The following NUP155 variants were observed in gnomAD, a reference collection of about 807,000 sequenced individuals.
NUP155 encodes nucleoporin 155, also known as nuclear pore complex protein Nup155.
In NUP155, 71 loss-of-function variants were observed where a neutral mutation model predicts 180.4. The observed-to-expected ratio is 0.39, with a 90% CI of 0.33 to 0.48. The LOEUF (loss-of-function observed/expected upper bound fraction) is 0.48, where lower values mean the gene tolerates loss of function less well. NUP155 is among the 20% of genes least tolerant of loss of function. NUP155 has a pLI of 0.91. For missense variants in NUP155, 1,553 were observed against 1,648.9 expected (o/e 0.94, Z 1.01); for synonymous variants, 582 against 559.5 (o/e 1.04, Z -0.57).
rs1048382027 is a variant in NUP155 at position 37,291,262 on chromosome 5, G to A, written c.*638C>T. The stretch of plus-strand genomic sequence containing the variant: ...TATTTGAGGTTTTTTTGTTTTTTGA[G>A]ACAGAGTCTCGCCCTGTTGCCTGGG... On this transcript the variant is annotated 3_prime_UTR_variant, in exon 35 of 35. Transcript: ENST00000231498. 1.3e-5 allele frequency: 2 copies of A among 152,338 alleles called. No homozygotes were observed. Among genetic ancestry groups the A allele is most frequent in the Non-Finnish European group, 2.9e-5 (2 of 68,168 alleles). 9.4% of individuals were successfully genotyped at this position (152,338 alleles called of 1,614,324 possible). A position where few individuals can be genotyped will look rare whatever the true frequency, so the allele number is the denominator to read the frequency against.
intron 24 of NUP155, 29 bp downstream of exon 24, chr5:37,309,100 A>G (rs202043598): frequency 1.2e-6 from 2 of 1,609,600 alleles, no homozygotes; most frequent in East Asian, 2.2e-5. Flanking sequence ...GAGTTGAGTA[A>G]AAGATACAAG....
At chr5:37,343,268 G>A (rs1395034528) in intron 9 of NUP155, among the ~76,000 whole-genome samples, 1 of 151,894 alleles carries the variant, frequency 6.6e-6, no homozygotes, top group Non-Finnish European at 1.5e-5. Context: ...TAGAGACGGG[G>A]TTTCACTATG....
rs148758657 is a variant in NUP155, at chr5:37,333,958, C to T, written c.1348-325G>A. On this transcript the variant is annotated intron_variant, in intron 12 of 34. Transcript: ENST00000231498. ...CTGGGATTACAGCCATATGTCACCA[C>T]GCCCAGCTAATTTTTTATTTTTAGT... Among the ~76,000 whole-genome samples the T allele has an allele frequency of 6.8e-3, 1,027 of 151,780 alleles. 8 individuals carry two copies. The highest frequency in any genetic ancestry group is 0.028 in the South Asian group (133 of 4,806).
Position 37,371,090 on chromosome 5 carries a change from C to T in NUP155, c.-113G>A. On this transcript the variant is annotated 5_prime_UTR_variant, in exon 1 of 35. Coordinates refer to ENST00000231498, the MANE Select transcript of NUP155 (RefSeq NM_153485.3). Reference sequence around the variant, plus strand: ...GCCTAGGGCGCGCGCGCCAAACGAGCGCCTTGGCGCCTCGACATGACGCAC... The same window carrying T: ...GCCTAGGGCGCGCGCGCCAAACGAGTGCCTTGGCGCCTCGACATGACGCAC... 5.8e-6 allele frequency: 6 copies of T among 1,030,650 alleles called. No individual in the cohort carries two copies. Among genetic ancestry groups the T allele is most frequent in the African/African-American group, 3.2e-5 (2 of 62,644 alleles). The allele number at this position is 1,030,650 out of a possible 1,614,324, so 63.8% of individuals were successfully genotyped here.
At chr5:37,350,817 T>C (rs1746404859) in intron 6 of NUP155, among the ~76,000 whole-genome samples, 1 of 127,468 alleles carries the variant, frequency 7.8e-6, no homozygotes, top group Non-Finnish European at 1.6e-5. Context: ...CTCCATCACA[T>C]TTAAAAAAAA....
chr5:37,354,799 A>T (rs1285153786), intron 4 of NUP155, among the ~76,000 whole-genome samples: 1 of 149,106 alleles, frequency 6.7e-6, no homozygotes, highest in Non-Finnish European at 1.5e-5. Flanking sequence ...AGTGTATAAA[A>T]TGTCGGTTTG....
chr5:37,301,786 G>A (rs1333804487), intron 29 of NUP155, among the ~76,000 whole-genome samples: 1 of 152,178 alleles, frequency 6.6e-6, no homozygotes, highest in African/African-American at 2.4e-5. Context: ...CAAGACTGTA[G>A]CCAAATGGTT....
intron 4 of NUP155, among the ~76,000 whole-genome samples, chr5:37,355,213 T>C (rs890482705): frequency 3.3e-5 from 5 of 152,070 alleles, no homozygotes; most frequent in African/African-American, 9.7e-5. Flanking sequence ...TTTCCTCCTA[T>C]AAAAAGGTAC....
At chr5:37,339,351 A>T (rs747130115) in intron 11 of NUP155, among the ~76,000 whole-genome samples, 10 of 151,254 alleles carry the variant, frequency 6.6e-5, no homozygotes, top group Admixed American at 3.3e-4. Flanking sequence ...AAAACTTGCC[A>T]ACACGGTGGC....
chr5:37,350,378 A>G, intron 6 of NUP155, 113 bp from the exon 7 acceptor site: 1 of 711,178 alleles, frequency 1.4e-6, no homozygotes, highest in Non-Finnish European at 2.5e-6. Context: ...ACCAGTTATA[A>G]TCACTAATAC....
chr5:37,369,200 T>G lies in NUP155; in HGVS notation c.157+1621A>C, dbSNP rs569410711. ...TCATGAGTTAGAGGCTGCAATGAGC[T>G]GTGATCATGCCACTGCACTCCAGCC... On this transcript the variant is annotated intron_variant, in intron 1 of 34. Coordinates refer to ENST00000231498, the MANE Select transcript of NUP155 (RefSeq NM_153485.3). 1.1e-4 allele frequency among the ~76,000 whole-genome samples: 17 copies of G among 151,854 alleles called. No homozygotes were observed. In the East Asian group the frequency reaches 3.3e-3, roughly 30 times the overall value.
In NUP155 at chr5:37,348,607, A is replaced by C; in HGVS notation, c.904-11T>G. The C allele has an allele frequency of 6.6e-7, 1 of 1,510,262 alleles. No homozygotes were observed. The highest frequency in any genetic ancestry group is 9.2e-7 in the Non-Finnish European group (1 of 1,085,298). The allele number at this position is 1,510,262 out of a possible 1,614,324, so 93.6% of individuals were successfully genotyped here. A position where few individuals can be genotyped will look rare whatever the true frequency, so the allele number is the denominator to read the frequency against. On this transcript the variant is annotated splice_polypyrimidine_tract_variant and intron_variant, in intron 8 of 34. Coordinates refer to ENST00000231498, the MANE Select transcript of NUP155 (RefSeq NM_153485.3). The stretch of plus-strand genomic sequence containing the variant: ...TCCCAAATCATACACCTGTGAATAC[A>C]AAATCATTCTCACTTAAACATGATT...
chr5:37,365,747 A>G (rs1427321900), intron 1 of NUP155, among the ~76,000 whole-genome samples: 2 of 69,232 alleles, frequency 2.9e-5, no homozygotes, highest in Admixed American at 1.8e-4. Flanking sequence ...AAATATATAT[A>G]TATATACACA....
At chr5:37,336,364 C>T (rs1745327577) in intron 12 of NUP155, among the ~76,000 whole-genome samples, 1 of 151,776 alleles carries the variant, frequency 6.6e-6, no homozygotes, top group Non-Finnish European at 1.5e-5. Context: ...ACCTGTAGTC[C>T]CAGCCACTTG....
At chr5:37,346,611 G>T (rs1746103799) in intron 9 of NUP155, among the ~76,000 whole-genome samples, 1 of 151,972 alleles carries the variant, frequency 6.6e-6, no homozygotes, top group Non-Finnish European at 1.5e-5. Context: ...GGTGGAGGTT[G>T]TAGGGAGCCA....
At chr5:37,364,635 AT>A in intron 1 of NUP155, among the ~76,000 whole-genome samples, 1 of 11,230 alleles carries the variant, frequency 8.9e-5, no homozygotes, top group Non-Finnish European at 5.8e-4. Flanking sequence ...TGTTTATTTT[AT>A]TTTATTTTTT....
intron 19 of NUP155, among the ~76,000 whole-genome samples, chr5:37,324,383 C>G (rs988364539): frequency 1.3e-5 from 2 of 152,024 alleles, no homozygotes; most frequent in African/African-American, 4.8e-5. Flanking sequence ...CAGAAATTTC[C>G]AACACCAAAG....
rs1277190763 is a variant in NUP155, at chr5:37,289,546, T to C, written c.*2354A>G. ...GACCTAATTTCTTCTCTCTTAGGAATCTTACCCCCCAAAAGGTATTGCAAG... is the reference window on the plus strand; with the variant it reads ...GACCTAATTTCTTCTCTCTTAGGAACCTTACCCCCCAAAAGGTATTGCAAG... On this transcript the variant is annotated 3_prime_UTR_variant, in exon 35 of 35. Coordinates refer to ENST00000231498, the MANE Select transcript of NUP155 (RefSeq NM_153485.3). 1 of 152,142 alleles carries C rather than the reference T, an allele frequency of 6.6e-6. No homozygotes were observed. The highest frequency in any genetic ancestry group is 2.4e-5 in the African/African-American group (1 of 41,430). 9.4% of individuals were successfully genotyped at this position (152,142 alleles called of 1,614,324 possible).
intron 20 of NUP155, among the ~76,000 whole-genome samples, chr5:37,322,728 T>C (rs1744330304): frequency 6.8e-6 from 1 of 147,244 alleles, no homozygotes; most frequent in African/African-American, 2.5e-5. Flanking sequence ...AAAAATCCAT[T>C]ATTGCTGGGC....
Sources: allele counts gnomAD v4.1 joint callset (sites outside exome capture counted in the v4.1 genomes callset), GRCh38; gene constraint gnomAD v4.1.1; transcripts MANE v1.5; gene names NCBI Gene and HGNC (gene_info 2026-07-23, HGNC 2026-07-21).